Variants in SLC6A6 observed in about 807,000 individuals in gnomAD.
SLC6A6 encodes the protein solute carrier family 6 member 6.
A neutral mutation model predicts 68.8 loss-of-function variants in SLC6A6; 16 were observed. The observed-to-expected ratio is 0.23, with a 90% CI of 0.16 to 0.35. The LOEUF (loss-of-function observed/expected upper bound fraction) is 0.35, where lower values mean the gene tolerates loss of function less well. SLC6A6 is among the 10% of genes least tolerant of loss of function. SLC6A6 has a pLI of 1.00. For synonymous variants in SLC6A6, 312 were observed against 315.4 expected (o/e 0.99, Z 0.12); for missense variants, 474 against 802.8 (o/e 0.59, Z 4.95).
At chr3:14,436,204 T>C (rs1187821542) in intron 2 of SLC6A6, among the ~76,000 whole-genome samples, 2 of 152,168 alleles carry the variant, frequency 1.3e-5, no homozygotes, top group Non-Finnish European at 2.9e-5. Context: ...TTATTATTAT[T>C]TTTTCATCTT....
intron 1 of SLC6A6, among the ~76,000 whole-genome samples, chr3:14,407,026 G>C (rs930525092): frequency 1.3e-5 from 2 of 150,186 alleles, no homozygotes; most frequent in African/African-American, 4.9e-5. Context: ...ATGGAGCCTG[G>C]GAATCTGTAT....
In SLC6A6 at chr3:14,458,176, A is replaced by G. The variant is rs1467844935; in HGVS notation, c.732+94A>G. The G allele has an allele frequency of 9.3e-6, 11 of 1,177,860 alleles. No individual in the cohort carries two copies. The African/African-American group carries it at 1.2e-4, about 13-fold the overall frequency. 73.0% of individuals were successfully genotyped at this position (1,177,860 alleles called of 1,614,324 possible). ...CCCGCCTGCAATTAGCCACGCCCCA[A>G]GAGGGAGGTGGCCAGTGGTGGCGTG... On this transcript the variant is annotated intron_variant, in intron 6 of 14. Coordinates refer to ENST00000622186, the MANE Select transcript of SLC6A6 (RefSeq NM_003043.6).
intron 2 of SLC6A6, among the ~76,000 whole-genome samples, chr3:14,434,111 C>A (rs1425268238): frequency 6.6e-6 from 1 of 152,174 alleles, no homozygotes; most frequent in Non-Finnish European, 1.5e-5. Flanking sequence ...AGTGTTCCCC[C>A]AGTTCTTTGC....
At position 14,477,920 on chromosome 3, in the gene SLC6A6, C is replaced by G. The variant is rs1700916008; in HGVS notation, c.1348-546C>G. On this transcript the variant is annotated intron_variant, in intron 11 of 14. Transcript: ENST00000622186. The surrounding 1 kb of genome is among the most constrained non-coding windows in gnomAD (Gnocchi z 4.2). The stretch of plus-strand genomic sequence containing the variant: ...CGTCTAAGACGTGTCTAGCAAGAGG[C>G]AAGCCAGATGAGATAAAGATTGTAC... Among the ~76,000 whole-genome samples the G allele has an allele frequency of 6.6e-6, 1 of 152,100 alleles. No individual in the cohort carries two copies. The highest frequency in any genetic ancestry group is 2.1e-4 in the South Asian group (1 of 4,832).
At chr3:14,461,824 A>T (rs1559307010) in intron 6 of SLC6A6, among the ~76,000 whole-genome samples, 1 of 152,138 alleles carries the variant, frequency 6.6e-6, no homozygotes, top group Non-Finnish European at 1.5e-5. Context: ...GATCTCTGGG[A>T]TCAATGGCGA....
chr3:14,449,358 C>T (rs1304100227), intron 5 of SLC6A6, among the ~76,000 whole-genome samples: 1 of 152,250 alleles, frequency 6.6e-6, no homozygotes, highest in Non-Finnish European at 1.5e-5. Flanking sequence ...CCCCTCGGTT[C>T]CCCGCTCCCT....
In SLC6A6 at chr3:14,488,857, C is replaced by T. The variant is rs751329902; in HGVS notation, c.*3850C>T. On this transcript the variant is annotated 3_prime_UTR_variant, in exon 15 of 15. Coordinates refer to ENST00000622186, the MANE Select transcript of SLC6A6 (RefSeq NM_003043.6). ...TACAGACATGTTCTGGCGTGTTCTC[C>T]GAGGGATGGAGCATCCTGTTATATA... is the stretch of plus-strand genomic sequence containing the variant. 6.6e-5 allele frequency: 10 copies of T among 152,340 alleles called. No individual in the cohort carries two copies. The highest frequency in any genetic ancestry group is 1.0e-4 in the Non-Finnish European group (7 of 67,994). 9.4% of individuals were successfully genotyped at this position (152,340 alleles called of 1,614,324 possible).
chr3:14,427,873 A>G (rs1289949371), intron 2 of SLC6A6, among the ~76,000 whole-genome samples: 1 of 152,024 alleles, frequency 6.6e-6, no homozygotes, highest in Admixed American at 6.6e-5. Flanking sequence ...AGCCCCTGTA[A>G]CTTCCATCTC....
intron 1 of SLC6A6, among the ~76,000 whole-genome samples, chr3:14,409,414 G>A (rs1699187236): frequency 6.6e-6 from 1 of 152,252 alleles, no homozygotes; most frequent in South Asian, 2.1e-4. Flanking sequence ...CATCCACGGT[G>A]CTTTATCCCC....
In SLC6A6 at chr3:14,477,300, G is replaced by A. The variant is rs201136604; in HGVS notation, c.1305G>A (p.Val435=). 2.5e-6 allele frequency: 4 copies of A among 1,614,020 alleles called. No individual in the cohort carries two copies. The African/African-American group carries it at 4.0e-5, about 16-fold the overall frequency. The change falls in exon 11 of 15, where the codon GTG becomes GTA. Residue 435 remains valine, a synonymous_variant. Coordinates refer to ENST00000622186, the MANE Select transcript of SLC6A6 (RefSeq NM_003043.6). The surrounding 1 kb of genome is among the most constrained non-coding windows in gnomAD (Gnocchi z 4.2). ...GTCGGGAAATCTTCATCGCCTTCGT[G>A]TGTAGCATCAGCTACCTGCTGGGGC... ...GYRREIFIAF[V]CSISYLLGLT...
chr3:14,472,373 G>T lies in SLC6A6; in HGVS notation c.1209+56G>T, dbSNP rs1029872226. On this transcript the variant is annotated intron_variant, in intron 10 of 14. Coordinates refer to ENST00000622186, the MANE Select transcript of SLC6A6 (RefSeq NM_003043.6). The surrounding 1 kb of genome is among the most constrained non-coding windows in gnomAD (Gnocchi z 4.5). ...GCCCCTGTGGGGAACCTGACTCTGG[G>T]AAAGACTCCTTATTCCACCTGGGAG... The T allele has an allele frequency of 2.2e-5, 23 of 1,061,204 alleles. No homozygotes were observed. Among genetic ancestry groups the T allele is most frequent in the African/African-American group, 4.7e-5 (3 of 63,930 alleles). The allele number at this position is 1,061,204 out of a possible 1,614,324, so 65.7% of individuals were successfully genotyped here.
At chr3:14,467,746 C>G in intron 7 of SLC6A6, 107 bp from the exon 8 acceptor site, 1 of 659,148 alleles carries the variant, frequency 1.5e-6, no homozygotes, top group South Asian at 1.9e-5. Context: ...TGTGCAAGGT[C>G]CCGTCCCCAG....
chr3:14,487,520 C>T lies in SLC6A6; in HGVS notation c.*2513C>T, dbSNP rs1261170519. 6.6e-6 allele frequency: 1 copy of T among 152,266 alleles called. No individual in the cohort carries two copies. Among genetic ancestry groups the T allele is most frequent in the Non-Finnish European group, 1.5e-5 (1 of 68,062 alleles). 9.4% of individuals were successfully genotyped at this position (152,266 alleles called of 1,614,324 possible). ...ATGGGCAAAGTCCTTCACCTGCTTT[C>T]TGCTTGGGATGGGTCAGAAATGCTG... On this transcript the variant is annotated 3_prime_UTR_variant, in exon 15 of 15. Coordinates refer to ENST00000622186, the MANE Select transcript of SLC6A6 (RefSeq NM_003043.6).
intron 5 of SLC6A6, among the ~76,000 whole-genome samples, chr3:14,457,248 T>G (rs1700390118): frequency 6.6e-6 from 1 of 152,128 alleles, no homozygotes. Flanking sequence ...TAAAACCGTT[T>G]ACCTGCCTCT....
At chr3:14,431,977 G>T (rs113257052) in intron 2 of SLC6A6, among the ~76,000 whole-genome samples, 9 of 152,124 alleles carry the variant, frequency 5.9e-5, no homozygotes, top group African/African-American at 2.2e-4. Flanking sequence ...AAGAGAGAAG[G>T]TGACTTGCCC....
intron 2 of SLC6A6, among the ~76,000 whole-genome samples, chr3:14,435,018 C>T (rs1033085334): frequency 1.3e-5 from 2 of 152,256 alleles, no homozygotes; most frequent in South Asian, 2.1e-4. Context: ...CCACCCCCGG[C>T]GTTGTTCCAG....
chr3:14,414,284 C>T (rs1298437083), intron 1 of SLC6A6, among the ~76,000 whole-genome samples: 1 of 152,174 alleles, frequency 6.6e-6, no homozygotes, highest in African/African-American at 2.4e-5. Flanking sequence ...AAGTCCTAGT[C>T]ATCACTGTTT....
rs557706482 is a variant in SLC6A6 at position 14,478,614 on chromosome 3, G to T, written c.1450+46G>T. 39 of 1,200,896 alleles carry T rather than the reference G, an allele frequency of 3.2e-5. No homozygotes were observed. In the South Asian group the frequency reaches 3.5e-4, roughly 11 times the overall value. 74.4% of individuals were successfully genotyped at this position (1,200,896 alleles called of 1,614,324 possible). ...GTCCTTTCTCAAGGCTCTCCTTTGG[G>T]CTTCTCTACTTAGAAGCTTCAGAAG... On this transcript the variant is annotated intron_variant, in intron 12 of 14. Transcript: ENST00000622186.
At chr3:14,440,992 G>T (rs1261604752) in intron 2 of SLC6A6, among the ~76,000 whole-genome samples, 2 of 152,012 alleles carry the variant, frequency 1.3e-5, no homozygotes, top group Middle Eastern at 3.2e-3. Context: ...AGTGTGGAAG[G>T]GGGTGGAGGC....
Sources: allele counts gnomAD v4.1 joint callset (sites outside exome capture counted in the v4.1 genomes callset), GRCh38; gene constraint gnomAD v4.1.1; non-coding constraint Gnocchi (gnomAD v3.1); transcripts MANE v1.5; gene names NCBI Gene and HGNC (gene_info 2026-07-23, HGNC 2026-07-21).